The following UGT3A1 variants were observed in gnomAD, a reference collection of about 807,000 sequenced individuals.
UGT3A1 encodes the protein UDP glycosyltransferase family 3 member A1, also known as UDP-glycosyltransferase 3A1.
In UGT3A1, 40 loss-of-function variants were observed where a neutral mutation model predicts 37.6. The observed-to-expected ratio is 1.06, with a 90% CI of 0.83 to 1.38. The LOEUF (loss-of-function observed/expected upper bound fraction) is 1.38. UGT3A1 is among the 40% of genes most tolerant of loss of function. UGT3A1 has a pLI of 0.00. For synonymous variants in UGT3A1, 256 were observed against 232.3 expected, an observed-to-expected ratio of 1.10 and a Z score of -0.93; for missense variants, 642 against 634.2, an observed-to-expected ratio of 1.01 and a Z score of -0.13.
Position 35,988,376 on chromosome 5 carries a change from A to C in UGT3A1, c.196+74T>G. On this transcript the variant is annotated intron_variant, in intron 2 of 6. Coordinates refer to ENST00000274278, the MANE Select transcript of UGT3A1 (RefSeq NM_152404.4). ...AGATTCAAAGAAGTTTTTACTATGCAGCTGTATAAAAAATATATTATCACT... is the reference window on the plus strand; with the variant it reads ...AGATTCAAAGAAGTTTTTACTATGCCGCTGTATAAAAAATATATTATCACT... 3 of 1,093,126 alleles carry C rather than the reference A, an allele frequency of 2.7e-6. No individual in the cohort carries two copies. In the South Asian group the frequency reaches 4.9e-5, roughly 18 times the overall value. 67.7% of individuals were successfully genotyped at this position (1,093,126 alleles called of 1,614,324 possible).
intron 2 of UGT3A1, among the ~76,000 whole-genome samples, chr5:35,980,258 A>C (rs1039167377): frequency 6.6e-6 from 1 of 152,238 alleles, no homozygotes; most frequent in African/African-American, 2.4e-5. Flanking sequence ...AAAAATAAAG[A>C]AGACAGAATC....
intron 2 of UGT3A1, among the ~76,000 whole-genome samples, chr5:35,985,694 A>C (rs1490481301): frequency 6.6e-6 from 1 of 152,216 alleles, no homozygotes; most frequent in Non-Finnish European, 1.5e-5. Context: ...CTCACCATAC[A>C]AAAAAATAAG....
intron 4 of UGT3A1, chr5:35,963,086 G>T: frequency 1.6e-6 from 1 of 622,128 alleles, no homozygotes; most frequent in South Asian, 1.8e-5. Context: ...CTTTATGGAT[G>T]CCACCCACAG....
chr5:35,972,494 C>CGTGT (rs4024103), intron 2 of UGT3A1, among the ~76,000 whole-genome samples: 39,942 of 141,174 alleles, frequency 0.28, 6,077 homozygotes, highest in Non-Finnish European at 0.34. Flanking sequence ...CCTTGAAATA[C>CGTGT]GTGTGTGTGT....
intron 4 of UGT3A1, among the ~76,000 whole-genome samples, chr5:35,964,983 C>T (rs530107223): frequency 2.6e-5 from 4 of 152,214 alleles, no homozygotes; most frequent in Non-Finnish European, 4.4e-5. Context: ...CTGCTTACCC[C>T]GAAACCACAG....
rs1739876878 is a variant in UGT3A1, at chr5:35,967,915, A to G, written c.311+104T>C. 3.7e-6 allele frequency: 3 copies of G among 819,688 alleles called. No individual in the cohort carries two copies. The Admixed American group carries it at 7.1e-5, about 19-fold the overall frequency. 50.8% of individuals were successfully genotyped at this position (819,688 alleles called of 1,614,324 possible). Reference sequence around the variant, plus strand: ...CTATTTCTCCATCTATCCATCACCCACCCATCTATTTCTCTAAAACTCACT... The same window carrying G: ...CTATTTCTCCATCTATCCATCACCCGCCCATCTATTTCTCTAAAACTCACT... On this transcript the variant is annotated intron_variant, in intron 3 of 6. Coordinates refer to ENST00000274278, the MANE Select transcript of UGT3A1 (RefSeq NM_152404.4).
chr5:35,960,141 C>T lies in UGT3A1; in HGVS notation c.844-2722G>A, dbSNP rs547307126. On this transcript the variant is annotated intron_variant, in intron 4 of 6. Transcript: ENST00000274278. ...AAGGGATGTACATATTCTATACAAACCCTATCAAAATCCCAATAACTTCTT... is the reference window on the plus strand; with the variant it reads ...AAGGGATGTACATATTCTATACAAATCCTATCAAAATCCCAATAACTTCTT... Among the ~76,000 whole-genome samples the T allele has an allele frequency of 1.5e-3, 229 of 152,226 alleles. 1 individual carries two copies. The highest frequency in any genetic ancestry group is 5.3e-3 in the African/African-American group (219 of 41,544).
At chr5:35,964,575 G>C (rs1204983501) in intron 4 of UGT3A1, among the ~76,000 whole-genome samples, 2 of 152,078 alleles carry the variant, frequency 1.3e-5, no homozygotes, top group Non-Finnish European at 2.9e-5. Context: ...CCAAATCCAG[G>C]GTCTCGTGGC....
chr5:35,964,033 C>T (rs768311113), intron 4 of UGT3A1, among the ~76,000 whole-genome samples: 7 of 152,146 alleles, frequency 4.6e-5, no homozygotes, highest in East Asian at 1.9e-4. Context: ...CAGATGGTAA[C>T]GATAGTTAGT....
At chr5:35,964,798 T>C (rs2149959884) in intron 4 of UGT3A1, among the ~76,000 whole-genome samples, 1 of 152,338 alleles carries the variant, frequency 6.6e-6, no homozygotes, top group South Asian at 2.1e-4. Context: ...GCAGTGGTTC[T>C]GAGTCTGCGC....
intron 2 of UGT3A1, among the ~76,000 whole-genome samples, chr5:35,987,164 T>C (rs373220795): frequency 5.3e-5 from 8 of 152,136 alleles, no homozygotes; most frequent in South Asian, 4.1e-4. Context: ...GATGGAAACA[T>C]GTAGTTAACA....
intron 2 of UGT3A1, among the ~76,000 whole-genome samples, chr5:35,968,780 A>G (rs1366006800): frequency 1.3e-5 from 2 of 152,176 alleles, no homozygotes; most frequent in African/African-American, 2.4e-5. Context: ...AACTGAGAAG[A>G]AAACTTCAAC....
At chr5:35,987,102 T>C (rs1488864363) in intron 2 of UGT3A1, among the ~76,000 whole-genome samples, 2 of 152,154 alleles carry the variant, frequency 1.3e-5, no homozygotes, top group Non-Finnish European at 2.9e-5. Flanking sequence ...AAACCTACAC[T>C]TCTTCAGTAT....
chr5:35,987,224 C>T (rs1256900707), intron 2 of UGT3A1, among the ~76,000 whole-genome samples: 2 of 152,134 alleles, frequency 1.3e-5, no homozygotes, highest in Non-Finnish European at 2.9e-5. Context: ...CTATCAAAAA[C>T]AACCCAATCA....
intron 2 of UGT3A1, among the ~76,000 whole-genome samples, chr5:35,982,877 C>T (rs1740583324): frequency 6.6e-6 from 1 of 152,056 alleles, no homozygotes; most frequent in Non-Finnish European, 1.5e-5. Flanking sequence ...TGCAGATTTC[C>T]CCTTGCTCTT....
intron 2 of UGT3A1, among the ~76,000 whole-genome samples, chr5:35,987,795 A>C (rs538974071): frequency 6.6e-6 from 1 of 152,016 alleles, no homozygotes; most frequent in South Asian, 2.1e-4. Flanking sequence ...TCTGTTATTA[A>C]TTTTTCATTT....
chr5:35,962,017 A>G (rs1739605871), intron 4 of UGT3A1: 1 of 119,318 alleles, frequency 8.4e-6, no homozygotes, highest in South Asian at 2.6e-4. Context: ...CCAGTCTCCC[A>G]TTTCAACACT....
In UGT3A1 at chr5:35,991,281, G is replaced by A. The variant is rs376965473; in HGVS notation, c.-41C>T. 4.6e-5 allele frequency: 74 copies of A among 1,612,838 alleles called. No individual in the cohort carries two copies. In the African/African-American group the frequency reaches 4.9e-4, roughly 11 times the overall value. On this transcript the variant is annotated 5_prime_UTR_variant, in exon 1 of 7. Coordinates refer to ENST00000274278, the MANE Select transcript of UGT3A1 (RefSeq NM_152404.4). ...AGCAGCGGATCTCAGCCTGGGCTGC[G>A]CGCCCTGCGCCGGGCTAAGGACTCT...
chr5:35,963,831 G>A (rs1381814738), intron 4 of UGT3A1, among the ~76,000 whole-genome samples: 1 of 152,206 alleles, frequency 6.6e-6, no homozygotes, highest in Non-Finnish European at 1.5e-5. Context: ...AGGGGTTAAG[G>A]AGAGGTGCTG....
Sources: allele counts gnomAD v4.1 joint callset (sites outside exome capture counted in the v4.1 genomes callset), GRCh38; gene constraint gnomAD v4.1.1; transcripts MANE v1.5; gene names NCBI Gene and HGNC (gene_info 2026-07-23, HGNC 2026-07-21).